The following PAK4 variants were observed in gnomAD, a reference collection of about 807,000 sequenced individuals.
PAK4 encodes p21 (RAC1) activated kinase 4, also known as serine/threonine-protein kinase PAK 4.
Under a neutral mutation model 53.5 loss-of-function variants are expected in PAK4, and 49 were observed. That is an observed-to-expected ratio of 0.92 (90% CI 0.73 to 1.16). The LOEUF is 1.16. Among genes scored for constraint, PAK4 ranks in the 50% most tolerant of loss-of-function variants. The probability of loss-of-function intolerance (pLI) is 0.00; values close to 1 mark genes in which losing one functional copy is unlikely to be tolerated. For synonymous variants in PAK4, 376 were observed against 375.6 expected (o/e 1.00, Z -0.01); for missense variants, 824 against 850.7 (o/e 0.97, Z 0.39).
At chr19:39,146,905 G>GGAAGGAGA (rs1011207615) in intron 1 of PAK4, among the ~76,000 whole-genome samples, 1 of 151,416 alleles carries the variant, frequency 6.6e-6, no homozygotes. Flanking sequence ...GGGGAAGGAA[G>GGAAGGAGA]GAAGGAGAGA....
At position 39,177,821 on chromosome 19, in the gene PAK4, C is replaced by A; in HGVS notation, c.1620+12C>A. 1 of 1,600,284 alleles carries A rather than the reference C, an allele frequency of 6.2e-7. No homozygotes were observed. Among genetic ancestry groups the A allele is most frequent in the South Asian group, 1.1e-5 (1 of 89,610 alleles). On this transcript the variant is annotated intron_variant, in intron 8 of 8. Coordinates refer to ENST00000358301, the Ensembl canonical transcript of PAK4. ...AGAACCTGCACAAGGTAGGCCCCTC[C>A]CTGGCTGGGAAACTGTGCGCCAGCT...
chr19:39,149,241 G>A (rs527724077), intron 1 of PAK4, among the ~76,000 whole-genome samples: 30 of 152,330 alleles, frequency 2.0e-4, no homozygotes, highest in Non-Finnish European at 3.5e-4. Flanking sequence ...GGTGGAAACA[G>A]CTCCGTGTCC....
chr19:39,138,146 TG>T (rs1428644878), intron 1 of PAK4, among the ~76,000 whole-genome samples: 1 of 152,140 alleles, frequency 6.6e-6, no homozygotes, highest in South Asian at 2.1e-4. Flanking sequence ...CCTGGGCTAA[TG>T]GGCTAATTTT....
In PAK4 at chr19:39,173,595, C is replaced by T; in HGVS notation, c.683C>T (p.Ala228Val). The stretch of plus-strand genomic sequence containing the variant: ...TTTCAGGGGGAGCCTCATGACGTGG[C>T]CCCTAACGGGCCATCAGCGGGGGGC... The change falls in exon 4 of 9, where the codon GCC becomes GTC. Residue 228 changes from alanine (A) to valine (V), a missense_variant. Ala to Val is a moderately conservative substitution (Grantham distance 64, BLOSUM62 0). Transcript: ENST00000358301. This position sits in a 1 kb window ranked among gnomAD's most constrained non-coding sequence, Gnocchi z 6.9. 1 of 1,527,356 alleles carries T rather than the reference C, an allele frequency of 6.5e-7. No individual in the cohort carries two copies. The allele number at this position is 1,527,356 out of a possible 1,614,324, so 94.6% of individuals were successfully genotyped here.
At chr19:39,174,321 C>T (rs894193731) in intron 4 of PAK4, among the ~76,000 whole-genome samples, 2 of 151,816 alleles carry the variant, frequency 1.3e-5, no homozygotes, top group Non-Finnish European at 1.5e-5. Flanking sequence ...GGTACAGTGT[C>T]CTCCAGACCT....
At chr19:39,154,658 C>T (rs546537260) in intron 1 of PAK4, among the ~76,000 whole-genome samples, 148 of 152,348 alleles carry the variant, frequency 9.7e-4, no homozygotes, top group African/African-American at 3.3e-3. Flanking sequence ...GCTCCCTCTC[C>T]GTCCATTGGG....
At chr19:39,174,981 C>G (rs146831773) in exon 5 of PAK4, 1 of 1,613,994 alleles carries the variant, frequency 6.2e-7, no homozygotes, top group African/African-American at 1.3e-5. Context: ...AGATGTACAA[C>G]AGCTACCTGG....
chr19:39,145,172 G>C (rs796368100), intron 1 of PAK4, among the ~76,000 whole-genome samples: 9 of 152,260 alleles, frequency 5.9e-5, no homozygotes, highest in African/African-American at 2.2e-4. Context: ...ATCACCTGCT[G>C]ACCACCCTCA....
chr19:39,158,223 G>C (rs1184471019), intron 1 of PAK4, among the ~76,000 whole-genome samples: 1 of 152,062 alleles, frequency 6.6e-6, no homozygotes, highest in African/African-American at 2.4e-5. Context: ...GGGTGTGCGT[G>C]TGTGTGCATG....
At chr19:39,142,121 T>C (rs981562634) in intron 1 of PAK4, among the ~76,000 whole-genome samples, 5 of 152,134 alleles carry the variant, frequency 3.3e-5, no homozygotes, top group African/African-American at 4.8e-5. Context: ...GGACCACAGG[T>C]GTGCGCCGTC....
intron 1 of PAK4, among the ~76,000 whole-genome samples, chr19:39,144,852 T>C (rs2073974263): frequency 6.6e-6 from 1 of 152,158 alleles, no homozygotes; most frequent in South Asian, 2.1e-4. Flanking sequence ...TGCAGGCACA[T>C]GCAAATACAG....
chr19:39,163,600 C>T (rs773922733), intron 1 of PAK4, among the ~76,000 whole-genome samples: 3 of 152,180 alleles, frequency 2.0e-5, no homozygotes, highest in Non-Finnish European at 2.9e-5. Flanking sequence ...CAGGTCAACG[C>T]TGCCTGTCCC....
At chr19:39,159,833 G>C (rs749251314) in intron 1 of PAK4, among the ~76,000 whole-genome samples, 6 of 152,222 alleles carry the variant, frequency 3.9e-5, no homozygotes, top group Non-Finnish European at 8.8e-5. Context: ...ACGAAGGAGA[G>C]CAGGGCTGCC....
downstream of PAK4, chr19:39,180,448 T>G (rs923474931): frequency 7.4e-6 from 1 of 134,654 alleles, no homozygotes; most frequent in Non-Finnish European, 1.5e-5. Flanking sequence ...CAAATGAGAT[T>G]TTTTTTTTTT....
At position 39,169,894 on chromosome 19, in the gene PAK4, C is replaced by T. The variant is rs2074446330; in HGVS notation, c.204+137C>T. 4.4e-6 allele frequency: 3 copies of T among 680,750 alleles called. No homozygotes were observed. In the East Asian group the frequency reaches 8.2e-5, roughly 19 times the overall value. 42.2% of individuals were successfully genotyped at this position (680,750 alleles called of 1,614,324 possible). Reference sequence around the variant, plus strand: ...GGAGACAAACCCCAGCCTTCCACCCCTATCCTGGGTCCAGTGCTGGCCTTT... The same window carrying T: ...GGAGACAAACCCCAGCCTTCCACCCTTATCCTGGGTCCAGTGCTGGCCTTT... On this transcript the variant is annotated intron_variant, in intron 2 of 8. Coordinates refer to ENST00000358301, the Ensembl canonical transcript of PAK4.
chr19:39,153,770 A>AT (rs916737525), intron 1 of PAK4, among the ~76,000 whole-genome samples: 2 of 151,956 alleles, frequency 1.3e-5, no homozygotes, highest in African/African-American at 4.8e-5. Context: ...AAATGTAGAG[A>AT]TGGGGTTTCA....
intron 1 of PAK4, among the ~76,000 whole-genome samples, chr19:39,162,563 C>T (rs1049352229): frequency 6.6e-6 from 1 of 152,160 alleles, no homozygotes; most frequent in African/African-American, 2.4e-5. Context: ...CCACCGTGCC[C>T]GGCCTTGACC....
At chr19:39,157,788 G>A (rs1416545625) in intron 1 of PAK4, among the ~76,000 whole-genome samples, 4 of 152,246 alleles carry the variant, frequency 2.6e-5, no homozygotes, top group Non-Finnish European at 5.9e-5. Flanking sequence ...TAGCCGGGAA[G>A]TTTTCTTTTT....
chr19:39,159,353 G>C (rs2074246553), intron 1 of PAK4, among the ~76,000 whole-genome samples: 1 of 152,178 alleles, frequency 6.6e-6, no homozygotes, highest in African/African-American at 2.4e-5. Flanking sequence ...TAAAATTACA[G>C]CTGTGACAGA....
Sources: allele counts gnomAD v4.1 joint callset (sites outside exome capture counted in the v4.1 genomes callset), GRCh38; gene constraint gnomAD v4.1.1; non-coding constraint Gnocchi (gnomAD v3.1); transcripts MANE v1.5; gene names NCBI Gene and HGNC (gene_info 2026-07-23, HGNC 2026-07-21).